The following NDST4 variants were observed in gnomAD, a reference collection of about 807,000 sequenced individuals.
The protein encoded by NDST4 is N-heparan sulfate sulfotransferase 4.
Under a neutral mutation model 100.8 loss-of-function variants are expected in NDST4, and 63 were observed. The observed-to-expected ratio is 0.62, with a 90% CI of 0.51 to 0.77. The LOEUF (loss-of-function observed/expected upper bound fraction) is 0.77, where lower values mean the gene tolerates loss of function less well. Among genes scored for constraint, NDST4 ranks in the 30% least tolerant of loss-of-function variants. The pLI is 0.00. For missense variants in NDST4, 943 were observed against 1,018.4 expected (o/e 0.93, Z 1.01); for synonymous variants, 377 against 361.8 (o/e 1.04, Z -0.48).
At chr4:114,831,802 T>TA (rs1333566535) in intron 12 of NDST4, among the ~76,000 whole-genome samples, 30 of 152,240 alleles carry the variant, frequency 2.0e-4, no homozygotes, top group African/African-American at 7.0e-4. Context: ...TCATATGCCT[T>TA]AAGTCTAACA....
rs117267320 is a variant in NDST4 at position 114,894,094 on chromosome 4, C to T, written c.1537-23144G>A. ...GAGGTCTCTGTTCTGCTCCATTGAT[C>T]TATATGTATGTTATAATACTAGTAC... is the stretch of plus-strand genomic sequence containing the variant. On this transcript the variant is annotated intron_variant, in intron 6 of 13. Coordinates refer to ENST00000264363, the MANE Select transcript of NDST4 (RefSeq NM_022569.3). Among the ~76,000 whole-genome samples, 74 of 152,226 alleles carry T rather than the reference C, an allele frequency of 4.9e-4. No individual in the cohort carries two copies. In the East Asian group the frequency reaches 0.011, roughly 23 times the overall value.
chr4:114,992,928 T>C (rs1727073783), intron 2 of NDST4, among the ~76,000 whole-genome samples: 1 of 151,876 alleles, frequency 6.6e-6, no homozygotes, highest in South Asian at 2.1e-4. Context: ...GAATTGTAAA[T>C]ATTTTATCTG....
intron 1 of NDST4, among the ~76,000 whole-genome samples, chr4:115,108,803 CTT>C (rs1729882994): frequency 6.6e-6 from 1 of 151,994 alleles, no homozygotes; most frequent in Non-Finnish European, 1.5e-5. Context: ...TTAACCCACT[CTT>C]TCTCTTCATT....
At chr4:115,098,700 CTTTTTTA>C (rs1278475295) in intron 1 of NDST4, among the ~76,000 whole-genome samples, 10 of 151,996 alleles carry the variant, frequency 6.6e-5, no homozygotes, top group Admixed American at 1.3e-4. Context: ...TTTTCCTTTT[CTTTTTTA>C]TTTTTTAATC....
intron 1 of NDST4, among the ~76,000 whole-genome samples, chr4:115,093,430 G>A (rs1029172225): frequency 6.6e-6 from 1 of 151,832 alleles, no homozygotes; most frequent in Non-Finnish European, 1.5e-5. Context: ...AGCTGAGATA[G>A]CGCCACTGCA....
chr4:115,103,147 C>T (rs951626347), intron 1 of NDST4, among the ~76,000 whole-genome samples: 2 of 152,092 alleles, frequency 1.3e-5, no homozygotes, highest in Non-Finnish European at 2.9e-5. Context: ...CATTATGTTA[C>T]CTTTCTATCA....
At chr4:114,832,275 G>C (rs530212372) in intron 12 of NDST4, among the ~76,000 whole-genome samples, 49 of 152,240 alleles carry the variant, frequency 3.2e-4, no homozygotes, top group South Asian at 1.2e-3. Flanking sequence ...CTTCATTAAG[G>C]TTGTTTTAGT....
chr4:114,855,379 G>T (rs148603845), intron 7 of NDST4, among the ~76,000 whole-genome samples: 1,802 of 152,204 alleles, frequency 0.012, 38 homozygotes, highest in African/African-American at 0.042. Context: ...TTTCTCCAAT[G>T]TTTTATTTTA....
chr4:115,000,793 T>TA (rs1553960269), intron 2 of NDST4, among the ~76,000 whole-genome samples: 1 of 152,156 alleles, frequency 6.6e-6, no homozygotes, highest in Non-Finnish European at 1.5e-5. Flanking sequence ...TGGTCGGCTA[T>TA]AACAAAAGAC....
chr4:114,831,860 T>C (rs897495177), intron 12 of NDST4, among the ~76,000 whole-genome samples: 1 of 152,202 alleles, frequency 6.6e-6, no homozygotes, highest in African/African-American at 2.4e-5. Context: ...GCTTTGTGGT[T>C]TTACTTTAGT....
chr4:115,068,765 C>A (rs1729006497), intron 2 of NDST4, among the ~76,000 whole-genome samples: 1 of 146,180 alleles, frequency 6.8e-6, no homozygotes, highest in African/African-American at 2.5e-5. Flanking sequence ...GCAGTGAGCC[C>A]AGATTGCACC....
chr4:114,861,148 A>C (rs1290379139), intron 7 of NDST4, among the ~76,000 whole-genome samples: 1 of 152,176 alleles, frequency 6.6e-6, no homozygotes, highest in Non-Finnish European at 1.5e-5. Flanking sequence ...ATTTTTCCCC[A>C]AAATTTTGCC....
In NDST4 at chr4:115,010,409, C is replaced by A. The variant is rs1316853581; in HGVS notation, c.979-33135G>T. On this transcript the variant is annotated intron_variant, in intron 2 of 13. Transcript: ENST00000264363. ...TAAGGACATGGATGAAATTTGAAATCATCATTCTCAGTAAGCTATCGCAAG... is the reference window on the plus strand; with the variant it reads ...TAAGGACATGGATGAAATTTGAAATAATCATTCTCAGTAAGCTATCGCAAG... 1.6e-5 allele frequency among the ~76,000 whole-genome samples: 2 copies of A among 128,052 alleles called. 1 individual carries two copies. The highest frequency in any genetic ancestry group is 5.9e-5 in the African/African-American group (2 of 33,652). The allele number at this position is 128,052 out of a possible 152,430, so 84.0% of individuals were successfully genotyped here. A position where few individuals can be genotyped will look rare whatever the true frequency, so the allele number is the denominator to read the frequency against.
intron 6 of NDST4, among the ~76,000 whole-genome samples, chr4:114,931,604 A>G (rs1033196714): frequency 6.6e-6 from 1 of 151,792 alleles, no homozygotes; most frequent in South Asian, 2.1e-4. Context: ...ATTAGCATGC[A>G]TATAGCTAGA....
At chr4:114,950,425 C>A (rs1167690054) in intron 4 of NDST4, among the ~76,000 whole-genome samples, 1 of 151,966 alleles carries the variant, frequency 6.6e-6, no homozygotes, top group Admixed American at 6.6e-5. Context: ...CATTATGATT[C>A]CAATTTTTAT....
chr4:114,977,096 T>C, intron 3 of NDST4, 91 bp downstream of exon 3: 1 of 762,506 alleles, frequency 1.3e-6, no homozygotes, highest in Non-Finnish European at 2.0e-6. Flanking sequence ...CCATAATCAA[T>C]CTGGAGAATC....
chr4:114,876,782 G>A (rs1308914285), intron 6 of NDST4, among the ~76,000 whole-genome samples: 1 of 152,112 alleles, frequency 6.6e-6, no homozygotes, highest in Non-Finnish European at 1.5e-5. Context: ...ACATTCCAAT[G>A]AATCATTAAT....
chr4:114,856,671 G>A (rs1723800196), intron 7 of NDST4, among the ~76,000 whole-genome samples: 1 of 152,138 alleles, frequency 6.6e-6, no homozygotes, highest in South Asian at 2.1e-4. Flanking sequence ...ATAGACTAAA[G>A]GGACCAGTAT....
chr4:115,113,515 G>C lies in NDST4; in HGVS notation c.-318C>G, dbSNP rs552757473. ...CCCGTGTTAGAACATGAGATATCCA[G>C]TATTCAGGTTCACTTGGCTCCAGGT... On this transcript the variant is annotated 5_prime_UTR_variant, in exon 1 of 14. Coordinates refer to ENST00000264363, the MANE Select transcript of NDST4 (RefSeq NM_022569.3). 6.6e-6 allele frequency: 1 copy of C among 151,912 alleles called. No individual in the cohort carries two copies. The highest frequency in any genetic ancestry group is 1.5e-5 in the Non-Finnish European group (1 of 67,954). The allele number at this position is 151,912 out of a possible 1,614,324, so 9.4% of individuals were successfully genotyped here. A position where few individuals can be genotyped will look rare whatever the true frequency, so the allele number is the denominator to read the frequency against.
Sources: allele counts gnomAD v4.1 joint callset (sites outside exome capture counted in the v4.1 genomes callset), GRCh38; gene constraint gnomAD v4.1.1; transcripts MANE v1.5; gene names NCBI Gene and HGNC (gene_info 2026-07-23, HGNC 2026-07-21).